Variants in ABLIM3 observed in about 807,000 individuals in gnomAD.
ABLIM3 encodes actin-binding LIM protein 3.
In ABLIM3, 61 loss-of-function variants were observed where a neutral mutation model predicts 109.5. The observed-to-expected ratio is 0.56, with a 90% CI of 0.45 to 0.69. ABLIM3 has a LOEUF of 0.69. Ranked by LOEUF, ABLIM3 falls within the 30% of genes least tolerant of loss-of-function variation. The pLI, the probability that ABLIM3 is intolerant of heterozygous loss-of-function variation, is 0.00. For synonymous variants in ABLIM3, 300 were observed against 324.8 expected (o/e 0.92, Z 0.82); for missense variants, 796 against 889.5 (o/e 0.89, Z 1.34).
At position 149,213,766 on chromosome 5, in the gene ABLIM3, G is replaced by T. The variant is rs141932342; in HGVS notation, c.669+2947G>T. Among the ~76,000 whole-genome samples the T allele has an allele frequency of 2.0e-5, 3 of 151,882 alleles. No homozygotes were observed. The East Asian group carries it at 5.8e-4, about 29-fold the overall frequency. On this transcript the variant is annotated intron_variant, in intron 7 of 23. Coordinates refer to ENST00000309868, the MANE Select transcript of ABLIM3 (RefSeq NM_014945.5). ...CAGGCAGCTGTTGTGACTGAGTTTC[G>T]ATTGATCCCATTTCTACAAGGCTCC...
chr5:149,252,702 A>G, intron 22 of ABLIM3, 55 bp from the exon 23 acceptor site: 2 of 1,362,374 alleles, frequency 1.5e-6, no homozygotes, highest in Non-Finnish European at 2.1e-6. Flanking sequence ...TGTACCTGAA[A>G]GGAACAAGCC....
At chr5:149,226,008 A>G (rs557059939) in intron 8 of ABLIM3, among the ~76,000 whole-genome samples, 10 of 125,162 alleles carry the variant, frequency 8.0e-5, no homozygotes, top group African/African-American at 3.8e-4. Context: ...ATATATATAT[A>G]TATATATATA....
intron 2 of ABLIM3, among the ~76,000 whole-genome samples, chr5:149,151,365 G>A (rs991412171): frequency 2.0e-5 from 3 of 152,184 alleles, no homozygotes; most frequent in African/African-American, 7.2e-5. Flanking sequence ...GTTATATTCT[G>A]AGGTACTGAG....
chr5:149,193,655 T>G (rs530115802), intron 3 of ABLIM3, among the ~76,000 whole-genome samples: 53 of 152,266 alleles, frequency 3.5e-4, no homozygotes, highest in Admixed American at 3.0e-3. Flanking sequence ...AATCAAAGCA[T>G]TCCTAAAGAA....
intron 2 of ABLIM3, among the ~76,000 whole-genome samples, chr5:149,179,589 T>C (rs1756279391): frequency 1.3e-5 from 2 of 152,166 alleles, no homozygotes; most frequent in South Asian, 4.1e-4. Flanking sequence ...TGAGATGATA[T>C]TCCTAAATTA....
chr5:149,230,806 G>A, intron 9 of ABLIM3, 99 bp downstream of exon 9: 2 of 1,345,348 alleles, frequency 1.5e-6, no homozygotes, highest in South Asian at 2.4e-5. Context: ...GCATTCCTTA[G>A]TGTGCACACT....
intron 23 of ABLIM3, among the ~76,000 whole-genome samples, chr5:149,255,968 A>C (rs1754389250): frequency 6.6e-6 from 1 of 152,332 alleles, no homozygotes; most frequent in Non-Finnish European, 1.5e-5. Flanking sequence ...CAGAAAAGGA[A>C]ATTGAAGTTC....
chr5:149,210,971 C>T, intron 7 of ABLIM3, 152 bp downstream of exon 7: 5 of 685,204 alleles, frequency 7.3e-6, no homozygotes, highest in South Asian at 7.1e-5. Context: ...GAGCAGATAA[C>T]CTTGCTGAGA....
At position 149,255,653 on chromosome 5, in the gene ABLIM3, G is replaced by T. The variant is rs1198225689; in HGVS notation, c.1939-2638G>T. On this transcript the variant is annotated intron_variant, in intron 23 of 23. Transcript: ENST00000309868. The stretch of plus-strand genomic sequence containing the variant: ...CTTTTATAAGAAGGAAGAACTTTCT[G>T]GGCAGAGGGAACAGCCAGTGTTGAG... Among the ~76,000 whole-genome samples, 3 of 152,164 alleles carry T rather than the reference G, an allele frequency of 2.0e-5. No individual in the cohort carries two copies. The East Asian group carries it at 5.8e-4, about 29-fold the overall frequency.
At chr5:149,217,500 C>G (rs1561598554) in intron 8 of ABLIM3, 1 of 172,608 alleles carries the variant, frequency 5.8e-6, no homozygotes, top group African/African-American at 2.4e-5. Context: ...CAGGGACTCT[C>G]AGAACACACA....
chr5:149,191,866 T>C (rs78004918), intron 3 of ABLIM3, among the ~76,000 whole-genome samples: 6,809 of 152,332 alleles, frequency 0.045, 465 homozygotes, highest in African/African-American at 0.15. Flanking sequence ...ATTTTTATTT[T>C]TATTTTTTTG....
chr5:149,188,604 CAGAG>C (rs916111762), intron 3 of ABLIM3, among the ~76,000 whole-genome samples: 2 of 152,202 alleles, frequency 1.3e-5, no homozygotes, highest in Admixed American at 6.5e-5. Flanking sequence ...CTTCGCATGG[CAGAG>C]AGAGAAAGGG....
intron 2 of ABLIM3, among the ~76,000 whole-genome samples, chr5:149,156,825 G>A (rs1270338353): frequency 2.0e-5 from 3 of 152,326 alleles, no homozygotes; most frequent in East Asian, 1.9e-4. Context: ...CATAGACAAT[G>A]TGTAAAGAAA....
At chr5:149,195,935 A>G (rs1757927711) in intron 3 of ABLIM3, among the ~76,000 whole-genome samples, 1 of 152,226 alleles carries the variant, frequency 6.6e-6, no homozygotes, top group African/African-American at 2.4e-5. Context: ...GGCGTATAGT[A>G]AGCGCTAAAG....
At chr5:149,167,736 G>A (rs985764457) in intron 2 of ABLIM3, among the ~76,000 whole-genome samples, 7 of 152,128 alleles carry the variant, frequency 4.6e-5, no homozygotes, top group African/African-American at 1.7e-4. Context: ...GAGCCCAATG[G>A]AGGAAATAAA....
chr5:149,207,052 C>A lies in ABLIM3; in HGVS notation c.493C>A (p.Leu165Met). 6.2e-7 allele frequency: 1 copy of A among 1,614,056 alleles called. No individual in the cohort carries two copies. The highest frequency in any genetic ancestry group is 1.1e-5 in the South Asian group (1 of 91,072). Residue 165 changes from leucine to methionine, a missense_variant, in exon 6 of 24, where the codon CTG (leucine) becomes ATG (methionine). By Grantham distance (15) the Leu-to-Met change is conservative. Coordinates refer to ENST00000309868, the MANE Select transcript of ABLIM3 (RefSeq NM_014945.5). ...GGAGATCAAGCACGGCCAGTCACTC[C>A]TGGCTCTGGACAAGCAGTGGCACGT... ...KEEIKHGQSL[L>M]ALDKQWHVSC...
At chr5:149,185,156 A>T (rs1323323220) in intron 3 of ABLIM3, among the ~76,000 whole-genome samples, 1 of 152,158 alleles carries the variant, frequency 6.6e-6, no homozygotes, top group Non-Finnish European at 1.5e-5. Context: ...GCTTAAACCA[A>T]TCGTTTATTT....
Position 149,233,318 on chromosome 5 carries a change from ACCACCAAAGGG to A in ABLIM3, c.888+21_888+31del, listed in dbSNP as rs781291494. ...TCATCTGCGTATGTATCACTTTTCT[ACCACCAAAGGG>A]CCTTCTTTATTCCTGACCTGGTATA... On this transcript the variant is annotated intron_variant, in intron 10 of 23. Coordinates refer to ENST00000309868, the MANE Select transcript of ABLIM3 (RefSeq NM_014945.5). The A allele has an allele frequency of 1.1e-5, 18 of 1,612,448 alleles. No individual in the cohort carries two copies. The South Asian group carries it at 1.8e-4, about 16-fold the overall frequency.
chr5:149,203,484 C>T (rs915346449), intron 5 of ABLIM3, among the ~76,000 whole-genome samples: 5 of 152,068 alleles, frequency 3.3e-5, no homozygotes, highest in Admixed American at 6.6e-5. Flanking sequence ...TGACCAACAC[C>T]ATTGACACCA....
Sources: allele counts gnomAD v4.1 joint callset (sites outside exome capture counted in the v4.1 genomes callset), GRCh38; gene constraint gnomAD v4.1.1; transcripts MANE v1.5; gene names NCBI Gene and HGNC (gene_info 2026-07-23, HGNC 2026-07-21).